The following MRM1 variants were observed in gnomAD, a reference collection of about 807,000 sequenced individuals.
The protein encoded by MRM1 is mitochondrial rRNA methyltransferase 1, also known as rRNA methyltransferase 1, mitochondrial.
A neutral mutation model predicts 25.0 loss-of-function variants in MRM1; 24 were observed. That is an observed-to-expected ratio of 0.96 (90% CI 0.69 to 1.35). The LOEUF (loss-of-function observed/expected upper bound fraction) is 1.35, where lower values mean the gene tolerates loss of function less well. Among genes scored for constraint, MRM1 ranks in the 40% most tolerant of loss-of-function variants. The pLI is 0.00. For missense variants in MRM1, 431 were observed against 464.1 expected, an observed-to-expected ratio of 0.93 and a Z score of 0.65; for synonymous variants, 188 against 199.2, an observed-to-expected ratio of 0.94 and a Z score of 0.47.
intron 2 of MRM1, among the ~76,000 whole-genome samples, chr17:36,604,745 G>A (rs2074912958): frequency 6.6e-6 from 1 of 151,780 alleles, no homozygotes; most frequent in Admixed American, 6.6e-5. Context: ...GGTGGAGGTG[G>A]TAGTGAGCCG....
In MRM1 at chr17:36,607,686, G is replaced by A; in HGVS notation, c.653G>A (p.Gly218Asp). The change falls in exon 3 of 5, where the codon GGC becomes GAC. Residue 218 changes from glycine to aspartate, a missense_variant. Transcript: ENST00000614766. ...TGFLQTKAQQ[G>D]WLVAGTVGCP... ...CCCTTTCAGACCAAAGCCCAGCAGG[G>A]CTGGCTCGTGGCCGGCACGGTGGGC... The A allele has an allele frequency of 6.2e-7, 1 of 1,613,986 alleles. No homozygotes were observed. The highest frequency in any genetic ancestry group is 8.5e-7 in the Non-Finnish European group (1 of 1,179,930).
At chr17:36,633,219 T>C in the MRM1 span, among the ~76,000 whole-genome samples, 1 of 152,082 alleles carries the variant, frequency 6.6e-6, no homozygotes, top group Non-Finnish European at 1.5e-5. Flanking sequence ...CCTCAGGTCG[T>C]CACTTTGCCT....
In MRM1 at chr17:36,601,880, G is replaced by C. The variant is rs2074871877; in HGVS notation, c.70G>C (p.Ala24Pro). ...RLVTRHFSHA[A>P]RHGERPGGEE... Reference sequence around the variant, plus strand: ...CGTCACCCGTCATTTCTCCCATGCAGCGCGGCATGGGGAGCGGCCTGGTGG... The same window carrying C: ...CGTCACCCGTCATTTCTCCCATGCACCGCGGCATGGGGAGCGGCCTGGTGG... Residue 24 changes from alanine (A) to proline (P), a missense_variant, in exon 1 of 5, where the codon GCG (alanine) becomes CCG (proline). Coordinates refer to ENST00000614766, the MANE Select transcript of MRM1 (RefSeq NM_024864.5). The C allele has an allele frequency of 6.2e-7, 1 of 1,608,708 alleles. No homozygotes were observed. The highest frequency in any genetic ancestry group is 1.3e-5 in the African/African-American group (1 of 74,920).
rs560518691 is a variant in MRM1 at position 36,604,497 on chromosome 17, T to TTTG, written c.636+1863_636+1865dup. ...CCCAGATTTTAGTCCTCGGATCTCT[T>TTTG]TTGTTGTTGTTGTTAAGAGATGGGG... On this transcript the variant is annotated intron_variant, in intron 2 of 4. Coordinates refer to ENST00000614766, the MANE Select transcript of MRM1 (RefSeq NM_024864.5). Among the ~76,000 whole-genome samples the TTTG allele has an allele frequency of 5.5e-4, 84 of 152,294 alleles. No individual in the cohort carries two copies. In the East Asian group the frequency reaches 0.016, roughly 28 times the overall value.
In MRM1 at chr17:36,602,277, C is replaced by A; in HGVS notation, c.467C>A (p.Pro156His). ...LWLVLDGIQD[P>H]RNFGAVLRSA... is the part of the protein sequence containing the mutation. The stretch of plus-strand genomic sequence containing the variant: ...CTCGTCCTCGATGGGATCCAGGATC[C>A]CCGGAATTTTGGGGCTGTGCTGCGT... The change falls in exon 1 of 5, where the codon CCC becomes CAC. Residue 156 changes from proline (P) to histidine (H), a missense_variant. Coordinates refer to ENST00000614766, the MANE Select transcript of MRM1 (RefSeq NM_024864.5). The surrounding 1 kb of genome is among the most constrained non-coding windows in gnomAD (Gnocchi z 4.1). The A allele has an allele frequency of 6.2e-7, 1 of 1,602,780 alleles. No homozygotes were observed. Among genetic ancestry groups the A allele is most frequent in the Non-Finnish European group, 8.5e-7 (1 of 1,172,378 alleles).
downstream of MRM1, among the ~76,000 whole-genome samples, chr17:36,613,805 C>T (rs925105983): frequency 2.6e-5 from 4 of 151,932 alleles, no homozygotes; most frequent in African/African-American, 9.7e-5. Flanking sequence ...ACAAACATGT[C>T]CCCCTGCAGG....
intron 2 of MRM1, among the ~76,000 whole-genome samples, chr17:36,607,076 G>A (rs192205167): frequency 1.3e-4 from 19 of 151,422 alleles, no homozygotes; most frequent in African/African-American, 3.6e-4. Flanking sequence ...CACCATGCCC[G>A]GCTAATTTTG....
chr17:36,629,627 C>A, the MRM1 span, among the ~76,000 whole-genome samples: 1 of 152,072 alleles, frequency 6.6e-6, no homozygotes, highest in Non-Finnish European at 1.5e-5. Context: ...AGGAACTCTG[C>A]TCCTCCACCC....
chr17:36,625,678 T>A, the MRM1 span, among the ~76,000 whole-genome samples: 1 of 151,878 alleles, frequency 6.6e-6, no homozygotes, highest in Non-Finnish European at 1.5e-5. Context: ...GTCAGGCTGG[T>A]CTTGAACTCC....
the MRM1 span, among the ~76,000 whole-genome samples, chr17:36,624,476 A>C: frequency 6.6e-6 from 1 of 150,906 alleles, no homozygotes; most frequent in Admixed American, 6.6e-5. The surrounding 1 kb of genome is among the most constrained non-coding windows in gnomAD (Gnocchi z 4.0). Context: ...TGATGAATCC[A>C]AAATGGGACG....
the MRM1 span, among the ~76,000 whole-genome samples, chr17:36,618,984 G>T: frequency 6.6e-6 from 1 of 152,114 alleles, no homozygotes; most frequent in Non-Finnish European, 1.5e-5. Flanking sequence ...TCACATTGCT[G>T]TGCAACAGCT....
chr17:36,610,235 A>ATTTT, downstream of MRM1, among the ~76,000 whole-genome samples: 1 of 108,088 alleles, frequency 9.3e-6, no homozygotes, highest in Non-Finnish European at 1.8e-5. Flanking sequence ...AGGGCCTAAG[A>ATTTT]TCTTTTTTTT....
the MRM1 span, among the ~76,000 whole-genome samples, chr17:36,615,750 C>T: frequency 3.3e-5 from 5 of 151,982 alleles, no homozygotes; most frequent in South Asian, 1.0e-3. Context: ...AATCCCAGTA[C>T]TTTGGGAGGC....
chr17:36,623,330 G>A, the MRM1 span, among the ~76,000 whole-genome samples: 8 of 152,212 alleles, frequency 5.3e-5, no homozygotes, highest in Admixed American at 3.3e-4. Context: ...TAAAGAATTA[G>A]GGGAGCGTGT....
intron 2 of MRM1, among the ~76,000 whole-genome samples, chr17:36,604,092 C>T (rs2074906767): frequency 6.6e-6 from 1 of 152,206 alleles, no homozygotes. Flanking sequence ...TGTGCTGGGG[C>T]CCCATCCCTT....
chr17:36,602,740 C>A lies in MRM1; in HGVS notation c.636+94C>A. 2 of 1,450,772 alleles carry A rather than the reference C, an allele frequency of 1.4e-6. No homozygotes were observed. Among genetic ancestry groups the A allele is most frequent in the Non-Finnish European group, 1.9e-6 (2 of 1,042,164 alleles). 89.9% of individuals were successfully genotyped at this position (1,450,772 alleles called of 1,614,324 possible). The stretch of plus-strand genomic sequence containing the variant: ...GCCCCTGGCGAGGGAGAGAAAGGGG[C>A]ATGTTGGCACCGCTTCCTTTGGCCT... On this transcript the variant is annotated intron_variant, in intron 2 of 4. Transcript: ENST00000614766. The surrounding 1 kb of genome is among the most constrained non-coding windows in gnomAD (Gnocchi z 4.1).
the MRM1 span, among the ~76,000 whole-genome samples, chr17:36,630,982 G>A: frequency 6.6e-6 from 1 of 152,170 alleles, no homozygotes; most frequent in East Asian, 1.9e-4. Context: ...CTATGTGGCT[G>A]CCCCATATCA....
chr17:36,620,397 C>T, the MRM1 span, among the ~76,000 whole-genome samples: 5 of 152,116 alleles, frequency 3.3e-5, no homozygotes, highest in African/African-American at 1.2e-4. Context: ...GGTGGGAAGG[C>T]AGTGATTGTG....
the MRM1 span, among the ~76,000 whole-genome samples, chr17:36,625,640 T>G: frequency 6.6e-6 from 1 of 151,912 alleles, no homozygotes; most frequent in Non-Finnish European, 1.5e-5. Flanking sequence ...TTTTGTATTT[T>G]TAGTAGAGTT....
Sources: gnomAD v4.1 joint callset for allele counts (sites outside exome capture counted in the v4.1 genomes callset) on GRCh38, gnomAD v4.1.1 for gene constraint, Gnocchi (gnomAD v3.1) non-coding constraint, MANE v1.5 for transcripts, NCBI Gene and HGNC (gene_info 2026-07-23, HGNC 2026-07-21) for gene names.